A2ML1: variants seen among roughly 807,000 people sequenced by gnomAD.
A2ML1 encodes alpha-2-macroglobulin-like protein 1.
A neutral mutation model predicts 181.9 loss-of-function variants in A2ML1; 161 were observed. The ratio of observed to expected loss-of-function variants is 0.89; its 90% CI spans 0.78 to 1.01. The LOEUF (loss-of-function observed/expected upper bound fraction) is 1.01. A2ML1 is among the 50% of genes least tolerant of loss of function. The pLI is 0.00. For missense variants in A2ML1, 1,670 were observed against 1,768.1 expected, an observed-to-expected ratio of 0.94 and a Z score of 1.00; for synonymous variants, 663 against 666.8, an observed-to-expected ratio of 0.99 and a Z score of 0.09.
rs750682528 is a variant in A2ML1 at position 8,846,229 on chromosome 12, T to C, written c.1683+7T>C. ...GATGTGCTTTGACAATCAGGTAAAA[T>C]GATAGCGGAGAAGGGTGAAGATAAA... On this transcript the variant is annotated splice_region_variant and intron_variant, in intron 14 of 35. Coordinates refer to ENST00000299698, the MANE Select transcript of A2ML1 (RefSeq NM_144670.6). 2.5e-6 allele frequency: 4 copies of C among 1,614,018 alleles called. No homozygotes were observed. The highest frequency in any genetic ancestry group is 2.5e-6 in the Non-Finnish European group (3 of 1,179,924).
chr12:8,885,818 G>T (rs1270461887), intron 7 of A2ML1, among the ~76,000 whole-genome samples: 2 of 152,158 alleles, frequency 1.3e-5, no homozygotes, highest in African/African-American at 4.8e-5. Context: ...CATGGTATGA[G>T]CTAGGTCAAG....
chr12:8,822,664 C>A lies in A2ML1; in HGVS notation c.13C>A (p.Leu5Ile), dbSNP rs1419562889. The A allele has an allele frequency of 6.2e-7, 1 of 1,614,150 alleles. No homozygotes were observed. The highest frequency in any genetic ancestry group is 1.1e-5 in the South Asian group (1 of 91,076). ...CTCACCCACAAAGATGTGGGCTCAG[C>A]TCCTTCTAGGAATGTTGGCCCTATC... MWAQ[L>I]LLGMLALSPA... is the part of the protein sequence containing the mutation. The change falls in exon 1 of 36, where the codon CTC becomes ATC. Residue 5 changes from leucine to isoleucine, a missense_variant. Physicochemically the swap from Leu to Ile is conservative, Grantham distance 5. Transcript: ENST00000299698.
At chr12:8,879,787 C>T (rs142319818), downstream of A2ML1, among the ~76,000 whole-genome samples, 29 of 152,124 alleles carry the variant, frequency 1.9e-4, no homozygotes, top group Non-Finnish European at 3.7e-4. Context: ...GTACATTGTC[C>T]AACTCATTGA....
intron 33 of A2ML1, among the ~76,000 whole-genome samples, chr12:8,871,017 CT>C (rs1944605159): frequency 6.6e-6 from 1 of 152,170 alleles, no homozygotes; most frequent in Admixed American, 6.5e-5. Flanking sequence ...CATATATAGT[CT>C]TCCTTATTTT....
intron 10 of A2ML1, among the ~76,000 whole-genome samples, chr12:8,840,906 CA>C (rs1302515017): frequency 7.9e-4 from 74 of 93,238 alleles, no homozygotes; most frequent in Admixed American, 8.0e-4. Context: ...GACTCCATCT[CA>C]AAAAAAAAAA....
rs202051678 is a variant in A2ML1 at position 8,867,998 on chromosome 12, C to A, written c.3874C>A (p.Pro1292Thr). The A allele has an allele frequency of 4.3e-6, 7 of 1,614,234 alleles. No individual in the cohort carries two copies. The highest frequency in any genetic ancestry group is 5.9e-6 in the Non-Finnish European group (7 of 1,180,048). The stretch of plus-strand genomic sequence containing the variant: ...ATTGGTATTTCAGCAGGATACCCTG[C>A]CCAATGTCCCTGGAATGTACACGTT... ...NRLVFQQDTL[P>T]NVPGMYTLEA... Residue 1292 changes from proline (P) to threonine (T), a missense_variant, in exon 30 of 36, where the codon CCC (proline) becomes ACC (threonine). By Grantham distance (38) the Pro-to-Thr change is conservative (BLOSUM62 -1). Coordinates refer to ENST00000299698, the MANE Select transcript of A2ML1 (RefSeq NM_144670.6).
Position 8,836,292 on chromosome 12 carries a change from G to C in A2ML1, c.681G>C (p.Lys227Asn). 6.2e-7 allele frequency: 1 copy of C among 1,614,054 alleles called. No individual in the cohort carries two copies. Among genetic ancestry groups the C allele is most frequent in the East Asian group, 2.2e-5 (1 of 44,864 alleles). The change falls in exon 7 of 36, where the codon AAG (lysine) becomes AAC (asparagine). Residue 227 changes from lysine (K) to asparagine (N), a missense_variant. Coordinates refer to ENST00000299698, the MANE Select transcript of A2ML1 (RefSeq NM_144670.6). ...TTAAGGTGGAAGTGGTGGAACCCAAGGAGTTATCAACGGTGCAGGAATCTT... is the reference window on the plus strand; with the variant it reads ...TTAAGGTGGAAGTGGTGGAACCCAACGAGTTATCAACGGTGCAGGAATCTT... The part of the protein sequence containing the change: ...PKFKVEVVEP[K>N]ELSTVQESFL...
Position 8,863,801 on chromosome 12 carries a change from C to A in A2ML1, c.3510C>A (p.Ser1170=), listed in dbSNP as rs1060504130. The A allele has an allele frequency of 5.0e-6, 8 of 1,614,040 alleles. No individual in the cohort carries two copies. In the South Asian group the frequency reaches 6.6e-5, roughly 13 times the overall value. ...ATGTTTCTTTTTCCATAGGAGAATC[C>A]ATTTACTGGAGCCAGAAACCTACTC... is the stretch of plus-strand genomic sequence containing the variant. ...LDQQAIISGE[S]IYWSQKPTPS... The change falls in exon 29 of 36, where the codon TCC becomes TCA. Residue 1170 remains serine (S), a synonymous_variant. Coordinates refer to ENST00000299698, the MANE Select transcript of A2ML1 (RefSeq NM_144670.6).
chr12:8,823,740 C>T lies in A2ML1; in HGVS notation c.267C>T (p.Gly89=). The T allele has an allele frequency of 6.2e-7, 1 of 1,613,838 alleles. No homozygotes were observed. The highest frequency in any genetic ancestry group is 8.5e-7 in the Non-Finnish European group (1 of 1,179,904). ...ISFLVPPPAG[G]TEEVATIRVS... Reference sequence around the variant, plus strand: ...GTCAGGTACCACCTCCTGCTGGTGGCACAGAAGAAGTGGCCACAATCCGGG... The same window carrying T: ...GTCAGGTACCACCTCCTGCTGGTGGTACAGAAGAAGTGGCCACAATCCGGG... Residue 89 remains glycine (G), a synonymous_variant, in exon 3 of 36, where the codon GGC becomes GGT. Coordinates refer to ENST00000299698, the MANE Select transcript of A2ML1 (RefSeq NM_144670.6).
In A2ML1 at chr12:8,823,771, G is replaced by A. The variant is rs767811832; in HGVS notation, c.298G>A (p.Gly100Arg). 39 of 1,613,940 alleles carry A rather than the reference G, an allele frequency of 2.4e-5. 1 individual carries two copies. In the South Asian group the frequency reaches 4.1e-4, roughly 17 times the overall value. ...TEEVATIRVS[G>R]VGNNISFEEK... ...AGAAGTGGCCACAATCCGGGTGTCG[G>A]GAGTTGGAAATAACATCAGCTTTGA... The change falls in exon 3 of 36, where the codon GGA becomes AGA. Residue 100 changes from glycine to arginine, a missense_variant. By Grantham distance (125) the Gly-to-Arg change is moderately radical (BLOSUM62 -2). Transcript: ENST00000299698.
chr12:8,885,092 T>C (rs117281447), intron 7 of A2ML1, among the ~76,000 whole-genome samples: 160 of 152,346 alleles, frequency 1.1e-3, no homozygotes, highest in Admixed American at 2.7e-3. Context: ...TCAGAGGACT[T>C]TGTGAGATTT....
chr12:8,842,061 G>C (rs774908687), intron 11 of A2ML1, among the ~76,000 whole-genome samples: 2 of 152,322 alleles, frequency 1.3e-5, no homozygotes, highest in South Asian at 4.1e-4. Context: ...TCGATTTCCA[G>C]AACTGTCTGC....
intron 10 of A2ML1, among the ~76,000 whole-genome samples, chr12:8,839,715 C>T (rs909431361): frequency 1.3e-5 from 2 of 152,106 alleles, no homozygotes; most frequent in Non-Finnish European, 2.9e-5. Flanking sequence ...ATGTATAGCT[C>T]TGTAAGCAAT....
intron 3 of A2ML1, among the ~76,000 whole-genome samples, chr12:8,824,222 G>GGTTTTT (rs1942847563): frequency 4.3e-5 from 4 of 92,310 alleles, no homozygotes; most frequent in African/African-American, 1.7e-4. Context: ...AGCTACTGGG[G>GGTTTTT]TTTTTTTTTT....
chr12:8,885,601 G>A (rs1013811662), intron 7 of A2ML1, among the ~76,000 whole-genome samples: 1 of 151,982 alleles, frequency 6.6e-6, no homozygotes, highest in Admixed American at 6.6e-5. Context: ...GGGACCACAG[G>A]AGGCACATGC....
chr12:8,845,275 C>T, intron 12 of A2ML1, 167 bp from the exon 13 acceptor site: 1 of 1,465,730 alleles, frequency 6.8e-7, no homozygotes. Context: ...CCGTTGGCAG[C>T]ATCCTGCATT....
At chr12:8,851,290 C>A (rs1414657826) in intron 18 of A2ML1, among the ~76,000 whole-genome samples, 1 of 152,216 alleles carries the variant, frequency 6.6e-6, no homozygotes, top group Non-Finnish European at 1.5e-5. Flanking sequence ...GACTCCCCAC[C>A]ATAGTCCCCC....
chr12:8,875,072 C>G, intron 35 of A2ML1, 60 bp downstream of exon 35: 2 of 1,547,996 alleles, frequency 1.3e-6, no homozygotes, highest in Non-Finnish European at 1.8e-6. Context: ...TTAAGAGGAG[C>G]CTCTTTTCGA....
At chr12:8,870,691 C>CT (rs1250747223) in intron 33 of A2ML1, among the ~76,000 whole-genome samples, 2 of 152,130 alleles carry the variant, frequency 1.3e-5, no homozygotes, top group Non-Finnish European at 2.9e-5. Flanking sequence ...TTATTCAAGT[C>CT]TTACAGCCAC....
Sources: gnomAD v4.1 joint callset for allele counts (sites outside exome capture counted in the v4.1 genomes callset) on GRCh38, gnomAD v4.1.1 for gene constraint, MANE v1.5 for transcripts, NCBI Gene and HGNC (gene_info 2026-07-23, HGNC 2026-07-21) for gene names.